ARNT2: variants seen among roughly 807,000 people sequenced by gnomAD.
ARNT2 encodes ARNT protein 2.
A neutral mutation model predicts 91.7 loss-of-function variants in ARNT2; 36 were observed. That is an observed-to-expected ratio of 0.39 (90% CI 0.30 to 0.52). ARNT2 has a LOEUF of 0.52. Ranked by LOEUF, ARNT2 falls within the 20% of genes least tolerant of loss-of-function variation. ARNT2 has a pLI of 0.72. For synonymous variants in ARNT2, 365 were observed against 347.1 expected (o/e 1.05, Z -0.57); for missense variants, 775 against 939.3 (o/e 0.83, Z 2.29).
At chr15:80,490,721 T>C (rs1897044029) in intron 5 of ARNT2, among the ~76,000 whole-genome samples, 1 of 152,224 alleles carries the variant, frequency 6.6e-6, no homozygotes, top group Non-Finnish European at 1.5e-5. Flanking sequence ...GAAACCTCTT[T>C]ATGGGAGGCA....
chr15:80,517,290 G>T (rs1449089140), intron 8 of ARNT2, among the ~76,000 whole-genome samples: 8 of 152,006 alleles, frequency 5.3e-5, no homozygotes, highest in African/African-American at 1.9e-4. Flanking sequence ...TTGTTAACAT[G>T]GTTTCTGAAG....
intron 1 of ARNT2, among the ~76,000 whole-genome samples, chr15:80,419,382 A>G (rs577219874): frequency 2.0e-5 from 3 of 152,330 alleles, no homozygotes; most frequent in African/African-American, 7.2e-5. Flanking sequence ...TCAATCGCCC[A>G]TTTCACAGGT....
intron 1 of ARNT2, among the ~76,000 whole-genome samples, chr15:80,448,802 T>C (rs370379307): frequency 1.5e-4 from 23 of 152,126 alleles, no homozygotes; most frequent in African/African-American, 5.3e-4. Flanking sequence ...GCTAACACGG[T>C]GAAACCCCAT....
intron 1 of ARNT2, among the ~76,000 whole-genome samples, chr15:80,445,524 G>T (rs1435997975): frequency 6.6e-6 from 1 of 151,338 alleles, no homozygotes; most frequent in Non-Finnish European, 1.5e-5. Flanking sequence ...TTGATGTGAT[G>T]ATGTGTGTGT....
chr15:80,589,447 G>C (rs944898362), intron 17 of ARNT2, among the ~76,000 whole-genome samples: 1 of 152,230 alleles, frequency 6.6e-6, no homozygotes, highest in Non-Finnish European at 1.5e-5. Context: ...TGATGGGCAA[G>C]CCCCAAGGAA....
intron 1 of ARNT2, chr15:80,434,469 A>G (rs767718641): frequency 1.3e-5 from 2 of 152,316 alleles, no homozygotes; most frequent in African/African-American, 2.4e-5. Flanking sequence ...ACACCTAGAA[A>G]CTTGAAGCCG....
At chr15:80,548,226 A>G (rs1177460560) in intron 8 of ARNT2, among the ~76,000 whole-genome samples, 1 of 152,176 alleles carries the variant, frequency 6.6e-6, no homozygotes, top group African/African-American at 2.4e-5. Flanking sequence ...TTATTAACCA[A>G]GGCATTAAAG....
chr15:80,515,748 A>AC (rs1897423888), intron 8 of ARNT2, among the ~76,000 whole-genome samples: 1 of 152,030 alleles, frequency 6.6e-6, no homozygotes, highest in Non-Finnish European at 1.5e-5. Flanking sequence ...AAAAAAAAAA[A>AC]AATACAATGT....
intron 2 of ARNT2, among the ~76,000 whole-genome samples, chr15:80,455,933 G>A (rs947880214): frequency 3.9e-5 from 6 of 152,138 alleles, no homozygotes; most frequent in African/African-American, 1.4e-4. Context: ...GCACGCACGG[G>A]GTGTTAAATA....
At chr15:80,495,840 G>A (rs1000963069) in intron 5 of ARNT2, among the ~76,000 whole-genome samples, 1 of 152,092 alleles carries the variant, frequency 6.6e-6, no homozygotes, top group African/African-American at 2.4e-5. Flanking sequence ...CCCTTTACTT[G>A]GGGCATCCTA....
chr15:80,572,809 T>C (rs1435854197), intron 12 of ARNT2, among the ~76,000 whole-genome samples: 3 of 152,284 alleles, frequency 2.0e-5, no homozygotes, highest in African/African-American at 7.2e-5. Flanking sequence ...AATTGCAGCG[T>C]GCATAATATA....
chr15:80,569,956 T>C (rs1205003884), intron 12 of ARNT2, among the ~76,000 whole-genome samples: 1 of 152,240 alleles, frequency 6.6e-6, no homozygotes, highest in Non-Finnish European at 1.5e-5. Context: ...GCTGCCATCA[T>C]GGGGAGTTCA....
chr15:80,497,140 C>T (rs911128077), intron 5 of ARNT2, among the ~76,000 whole-genome samples: 5 of 152,220 alleles, frequency 3.3e-5, no homozygotes, highest in Non-Finnish European at 5.9e-5. Flanking sequence ...GTTATTCAAT[C>T]AAACACTAAT....
chr15:80,490,306 C>T (rs1287034629), intron 5 of ARNT2, among the ~76,000 whole-genome samples: 2 of 151,950 alleles, frequency 1.3e-5, no homozygotes, highest in South Asian at 2.1e-4. Flanking sequence ...AGTCACTGGT[C>T]GCAGGCCTTG....
At chr15:80,573,498 C>A (rs914540261) in intron 12 of ARNT2, among the ~76,000 whole-genome samples, 1 of 152,158 alleles carries the variant, frequency 6.6e-6, no homozygotes, top group Non-Finnish European at 1.5e-5. Flanking sequence ...TCATTTGCCC[C>A]ATTTTTAGGC....
intron 5 of ARNT2, among the ~76,000 whole-genome samples, chr15:80,498,582 C>T (rs1465766357): frequency 1.3e-5 from 2 of 152,220 alleles, no homozygotes; most frequent in Non-Finnish European, 2.9e-5. Context: ...GGACCTGTAC[C>T]TCCTATAACT....
At chr15:80,416,363 T>C (rs1182566084) in intron 1 of ARNT2, among the ~76,000 whole-genome samples, 1 of 152,166 alleles carries the variant, frequency 6.6e-6, no homozygotes, top group Non-Finnish European at 1.5e-5. Flanking sequence ...CAATGTGCCT[T>C]CTAACTCTAA....
intron 11 of ARNT2, chr15:80,555,412 A>T: frequency 4.9e-6 from 2 of 411,058 alleles, no homozygotes; most frequent in Non-Finnish European, 8.9e-6. Flanking sequence ...CTGCATGGGG[A>T]AGAGGCAGGA....
chr15:80,475,763 T>C (rs974436028), intron 5 of ARNT2, among the ~76,000 whole-genome samples: 10 of 152,216 alleles, frequency 6.6e-5, no homozygotes, highest in Non-Finnish European at 1.5e-4. Flanking sequence ...CTAGAGGTTG[T>C]CGTTGATATA....
Sources: gnomAD v4.1 joint callset for allele counts (sites outside exome capture counted in the v4.1 genomes callset) on GRCh38, gnomAD v4.1.1 for gene constraint, MANE v1.5 for transcripts, NCBI Gene and HGNC (gene_info 2026-07-23, HGNC 2026-07-21) for gene names.